Variants in ACSM4 observed in about 807,000 individuals in gnomAD.
ACSM4 encodes the protein acyl-coenzyme A synthetase ACSM4, mitochondrial.
ACSM4 carries 66 observed loss-of-function variants against 73.0 expected under a neutral mutation model. The observed-to-expected ratio is 0.90, with a 90% CI of 0.74 to 1.11. The LOEUF is 1.11. Ranked by LOEUF, ACSM4 falls within the 50% of genes least tolerant of loss-of-function variation. The probability of loss-of-function intolerance (pLI) is 0.00; values close to 1 mark genes in which losing one functional copy is unlikely to be tolerated. For missense variants in ACSM4, 645 were observed against 714.4 expected (o/e 0.90, Z 1.11); for synonymous variants, 222 against 254.0 (o/e 0.87, Z 1.20).
intron 3 of ACSM4, among the ~76,000 whole-genome samples, chr12:7,314,848 G>A (rs1041468350): frequency 1.3e-5 from 2 of 152,132 alleles, no homozygotes; most frequent in Non-Finnish European, 2.9e-5. Context: ...TTAAGGGGAG[G>A]AAGCAAGTTA....
chr12:7,310,191 T>C (rs1946382429), intron 2 of ACSM4, among the ~76,000 whole-genome samples: 1 of 152,186 alleles, frequency 6.6e-6, no homozygotes, highest in South Asian at 2.1e-4. Context: ...AAACGTGACA[T>C]TAAAATGTTA....
rs147111292 is a variant in ACSM4 at position 7,314,713 on chromosome 12, G to A, written c.621-2424G>A. ...GATTGAGAAATGTTTAAACATAAGA[G>A]GTCTCCCCACAGGTATTAGATTCTG... On this transcript the variant is annotated intron_variant, in intron 3 of 12. Coordinates refer to ENST00000399422, the MANE Select transcript of ACSM4 (RefSeq NM_001080454.2). Among the ~76,000 whole-genome samples the A allele has an allele frequency of 3.2e-3, 487 of 152,168 alleles. 1 individual carries two copies. The highest frequency in any genetic ancestry group is 9.5e-3 in the African/African-American group (393 of 41,506).
At position 7,324,384 on chromosome 12, in the gene ACSM4, G is replaced by A; in HGVS notation, c.1420G>A (p.Val474Ile). The A allele has an allele frequency of 6.2e-7, 1 of 1,614,086 alleles. No individual in the cohort carries two copies. Among genetic ancestry groups the A allele is most frequent in the Non-Finnish European group, 8.5e-7 (1 of 1,179,978 alleles). ...YFWFVGRADD[V>I]IISSGYRIGP... The stretch of plus-strand genomic sequence containing the variant: ...CTGGTTTGTCGGCAGAGCTGATGAT[G>A]TCATTATATCCTCTGGGTTTGTATA... The change falls in exon 10 of 13, where the codon GTC becomes ATC. Residue 474 changes from valine (V) to isoleucine (I), a missense_variant. Coordinates refer to ENST00000399422, the MANE Select transcript of ACSM4 (RefSeq NM_001080454.2).
At chr12:7,323,436 A>G (rs1363632827) in intron 8 of ACSM4, 23 bp from the exon 9 acceptor site, 1 of 1,611,350 alleles carries the variant, frequency 6.2e-7, no homozygotes, top group Middle Eastern at 1.7e-4. Context: ...TTTTAAGACC[A>G]TCAATTATTT....
At chr12:7,324,933 A>C (rs1384345940) in intron 11 of ACSM4, among the ~76,000 whole-genome samples, 2 of 151,782 alleles carry the variant, frequency 1.3e-5, no homozygotes, top group Non-Finnish European at 2.9e-5. Flanking sequence ...GCCCCTCTTC[A>C]CTTTTGGCTC....
rs1452494258 is a variant in ACSM4, at chr12:7,327,096, G to T, written c.1656+1G>T. 4 of 1,597,754 alleles carry T rather than the reference G, an allele frequency of 2.5e-6. No homozygotes were observed. Among genetic ancestry groups the T allele is most frequent in the Non-Finnish European group, 3.4e-6 (4 of 1,172,558 alleles). ...TGCACCTTACAAATATCCAAGAAAG[G>T]CAAGTGCTTTGCCCAAAAGTTAAGT... is the stretch of plus-strand genomic sequence containing the variant. On this transcript the variant is annotated splice_donor_variant, in intron 12 of 12. Coordinates refer to ENST00000399422, the MANE Select transcript of ACSM4 (RefSeq NM_001080454.2). LOFTEE classifies it high-confidence loss of function.
At chr12:7,324,731 A>G in intron 11 of ACSM4, 133 bp downstream of exon 11, 1 of 942,298 alleles carries the variant, frequency 1.1e-6, no homozygotes, top group Non-Finnish European at 1.6e-6. Flanking sequence ...GCCAAAATAT[A>G]AATCAGGCAA....
Position 7,306,688 on chromosome 12 carries a change from G to T in ACSM4, c.357G>T (p.Val119=), listed in dbSNP as rs1335820849. Residue 119 remains valine, a synonymous_variant, in exon 2 of 13, where the codon GTG becomes GTT. Coordinates refer to ENST00000399422, the MANE Select transcript of ACSM4 (RefSeq NM_001080454.2). ...CGLQRGDRLA[V]ILPRIPEWWL... is the part of the protein sequence containing the mutation. ...TGCAGAGAGGAGACCGTTTGGCCGT[G>T]ATTCTGCCCAGAATCCCTGAGTGGT... is the stretch of plus-strand genomic sequence containing the variant. 1 of 1,611,812 alleles carries T rather than the reference G, an allele frequency of 6.2e-7. No individual in the cohort carries two copies. Among genetic ancestry groups the T allele is most frequent in the East Asian group, 2.2e-5 (1 of 44,708 alleles).
intron 3 of ACSM4, 74 bp from the exon 4 acceptor site, chr12:7,317,063 G>C: frequency 3.3e-6 from 5 of 1,515,240 alleles, no homozygotes; most frequent in Non-Finnish European, 4.4e-6. Context: ...GGCATAAGTA[G>C]TTGAGCAGAG....
In ACSM4 at chr12:7,306,726, T is replaced by C; in HGVS notation, c.395T>C (p.Val132Ala). Residue 132 changes from valine to alanine, a missense_variant, in exon 2 of 13, where the codon GTA becomes GCA. Coordinates refer to ENST00000399422, the MANE Select transcript of ACSM4 (RefSeq NM_001080454.2). ...PRIPEWWLVN[V>A]ACIRTGIIFM... is the part of the protein sequence containing the mutation. The stretch of plus-strand genomic sequence containing the variant: ...ATCCCTGAGTGGTGGCTGGTCAATG[T>C]AGCTTGCATACGAACAGGTCAGTGC... 6.2e-7 allele frequency: 1 copy of C among 1,610,088 alleles called. No homozygotes were observed. Among genetic ancestry groups the C allele is most frequent in the Non-Finnish European group, 8.5e-7 (1 of 1,178,398 alleles).
rs1379398542 is a variant in ACSM4 at position 7,328,296 on chromosome 12, G to T, written c.1666G>T (p.Val556Phe). The T allele has an allele frequency of 2.5e-6, 4 of 1,584,930 alleles. No individual in the cohort carries two copies. The East Asian group carries it at 6.9e-5, about 27-fold the overall frequency. ...PYKYPRKVEF[V>F]QELPKTITGK... is the part of the protein sequence containing the mutation. ...TTTTTCTGTCAATTAGGTGGAATTT[G>T]TTCAAGAACTCCCAAAGACAATCAC... Residue 556 changes from valine (V) to phenylalanine (F), a missense_variant, in exon 13 of 13, where the codon GTT becomes TTT. Val to Phe is a conservative substitution (Grantham distance 50, BLOSUM62 -1). Coordinates refer to ENST00000399422, the MANE Select transcript of ACSM4 (RefSeq NM_001080454.2).
rs1946529193 is a variant in ACSM4 at position 7,328,594 on chromosome 12, G to A, written c.*221G>A. The A allele has an allele frequency of 3.2e-6, 1 of 315,236 alleles. No individual in the cohort carries two copies. Among genetic ancestry groups the A allele is most frequent in the Admixed American group, 4.9e-5 (1 of 20,286 alleles). 19.5% of individuals were successfully genotyped at this position (315,236 alleles called of 1,614,324 possible). ...TGTTATAATGACCAAACTGACAAAG[G>A]TAATGATGATGATTTGTAGTGTTTA... On this transcript the variant is annotated 3_prime_UTR_variant, in exon 13 of 13. Transcript: ENST00000399422.
rs755882595 is a variant in ACSM4 at position 7,324,846 on chromosome 12, A to C, written c.1536+248A>C. 3.9e-5 allele frequency among the ~76,000 whole-genome samples: 6 copies of C among 152,172 alleles called. No individual in the cohort carries two copies. In the South Asian group the frequency reaches 1.2e-3, roughly 32 times the overall value. Reference sequence around the variant, plus strand: ...CTGCCTTAAGTTAAAAAAAAAAAAAAAGCATTTGGCTCATATAAGTGACAA... The same window carrying C: ...CTGCCTTAAGTTAAAAAAAAAAAAACAGCATTTGGCTCATATAAGTGACAA... On this transcript the variant is annotated intron_variant, in intron 11 of 12. Coordinates refer to ENST00000399422, the MANE Select transcript of ACSM4 (RefSeq NM_001080454.2).
rs1200393607 is a variant in ACSM4 at position 7,306,498 on chromosome 12, AC to A, written c.202-33del. 6 of 1,544,744 alleles carry A rather than the reference AC, an allele frequency of 3.9e-6. No homozygotes were observed. In the South Asian group the frequency reaches 7.1e-5, roughly 18 times the overall value. On this transcript the variant is annotated intron_variant, in intron 1 of 12. Transcript: ENST00000399422. ...CATGTAAGAGTAATCAGTCATGTAA[AC>A]CTACCCCTCTCTTTTCCATGTGTCC...
At chr12:7,307,497 G>A (rs1327864015) in intron 2 of ACSM4, among the ~76,000 whole-genome samples, 1 of 152,112 alleles carries the variant, frequency 6.6e-6, no homozygotes, top group Non-Finnish European at 1.5e-5. Context: ...AGAAGAAAAA[G>A]TATTTATACA....
In ACSM4 at chr12:7,318,035, G is replaced by A. The variant is rs749710884; in HGVS notation, c.774G>A (p.Leu258=). 7 of 1,612,956 alleles carry A rather than the reference G, an allele frequency of 4.3e-6. No individual in the cohort carries two copies. The Admixed American group carries it at 5.0e-5, about 12-fold the overall frequency. ...IGFTLCGRYW[L]DLKSSDIIWN... ...TTTTCATATCATTTAGGTATTGGCT[G>A]GACTTGAAGTCCTCAGATATCATAT... The change falls in exon 5 of 13, where the codon CTG becomes CTA. Residue 258 remains leucine, a synonymous_variant. Coordinates refer to ENST00000399422, the MANE Select transcript of ACSM4 (RefSeq NM_001080454.2).
intron 2 of ACSM4, among the ~76,000 whole-genome samples, chr12:7,309,777 G>T (rs746800907): frequency 2.0e-5 from 3 of 151,840 alleles, no homozygotes; most frequent in Non-Finnish European, 4.4e-5. Context: ...GAGGCCACTG[G>T]TTTTTTTCTC....
rs200593237 is a variant in ACSM4 at position 7,310,728 on chromosome 12, G to T, written c.602G>T (p.Ser201Ile). The change falls in exon 3 of 13, where the codon AGC (serine) becomes ATC (isoleucine). Residue 201 changes from serine (S) to isoleucine (I), a missense_variant. Transcript: ENST00000399422. Reference protein sequence around the residue: ...VSPQSWNGWLSFQELFQFASE... With the variant: ...VSPQSWNGWLIFQELFQFASE... ...CCACAAAGCTGGAATGGGTGGCTCAGCTTCCAGGAGTTATTTCAGTGAGTA... is the reference window on the plus strand; with the variant it reads ...CCACAAAGCTGGAATGGGTGGCTCATCTTCCAGGAGTTATTTCAGTGAGTA... The T allele has an allele frequency of 1.7e-3, 2,663 of 1,612,976 alleles. 7 individuals are homozygous for T. The highest frequency in any genetic ancestry group is 4.0e-3 in the South Asian group (362 of 90,808).
chr12:7,316,665 G>A lies in ACSM4; in HGVS notation c.621-472G>A, dbSNP rs771911247. Among the ~76,000 whole-genome samples, 11 of 152,272 alleles carry A rather than the reference G, an allele frequency of 7.2e-5. No individual in the cohort carries two copies. The South Asian group carries it at 8.3e-4, about 11-fold the overall frequency. ...TGGTAAGCAACCAGCTGCGTCTGCC[G>A]CAGATATTGAAGATACTGAACAAAA... is the stretch of plus-strand genomic sequence containing the variant. On this transcript the variant is annotated intron_variant, in intron 3 of 12. Transcript: ENST00000399422.
Sources: allele counts gnomAD v4.1 joint callset (sites outside exome capture counted in the v4.1 genomes callset), GRCh38; gene constraint gnomAD v4.1.1; transcripts MANE v1.5; gene names NCBI Gene and HGNC (gene_info 2026-07-23, HGNC 2026-07-21).